The following GRM7 variants were observed in gnomAD, a reference collection of about 807,000 sequenced individuals.
GRM7 encodes glutamate metabotropic receptor 7.
A neutral mutation model predicts 84.5 loss-of-function variants in GRM7; 35 were observed. The ratio of observed to expected loss-of-function variants is 0.41; its 90% confidence interval spans 0.32 to 0.55. The LOEUF is 0.55. Among genes scored for constraint, GRM7 ranks in the 20% least tolerant of loss-of-function variants. GRM7 has a pLI of 0.19. For missense variants in GRM7, 1,003 were observed against 1,194.6 expected, an observed-to-expected ratio of 0.84 and a Z score of 2.36; for synonymous variants, 487 against 455.1, an observed-to-expected ratio of 1.07 and a Z score of -0.89.
intron 1 of GRM7, among the ~76,000 whole-genome samples, chr3:6,883,614 A>AATATT (rs1371179214): frequency 6.6e-6 from 1 of 152,194 alleles, no homozygotes; most frequent in Admixed American, 6.6e-5. Context: ...CACTCCATTG[A>AATATT]ATATTGCCTT....
intron 7 of GRM7, among the ~76,000 whole-genome samples, chr3:7,478,386 A>G (rs1699005723): frequency 6.6e-6 from 1 of 152,144 alleles, no homozygotes; most frequent in African/African-American, 2.4e-5. Context: ...TTAAAAATTT[A>G]TGTTGGCCCA....
chr3:7,719,420 TA>T lies in GRM7; in HGVS notation c.2699-20935del, dbSNP rs1443574228. The stretch of plus-strand genomic sequence containing the variant: ...TTTGGAAAGCTCCTCACTAAAGGCC[TA>T]AGGGATTGTATTGAAGATCAATTTC... On this transcript the variant is annotated intron_variant, in intron 9 of 9. Transcript: ENST00000357716. Among the ~76,000 whole-genome samples the T allele has an allele frequency of 7.9e-5, 12 of 152,286 alleles. No individual in the cohort carries two copies. The East Asian group carries it at 2.1e-3, about 27-fold the overall frequency.
intron 8 of GRM7, among the ~76,000 whole-genome samples, chr3:7,617,995 T>C (rs1697181504): frequency 6.6e-6 from 1 of 152,122 alleles, no homozygotes; most frequent in African/African-American, 2.4e-5. Context: ...TAAACCCTCT[T>C]GTGCCTTAGA....
intron 4 of GRM7, among the ~76,000 whole-genome samples, chr3:7,344,057 T>C (rs1285802317): frequency 2.0e-5 from 3 of 152,248 alleles, no homozygotes; most frequent in African/African-American, 7.2e-5. Context: ...TAAAAAGATA[T>C]ACATACCTTT....
At chr3:7,700,762 ATT>A (rs1407253357) in intron 9 of GRM7, among the ~76,000 whole-genome samples, 1 of 152,182 alleles carries the variant, frequency 6.6e-6, no homozygotes, top group Non-Finnish European at 1.5e-5. Context: ...TCTGCCACGC[ATT>A]GTTAGGGAAA....
chr3:7,446,487 GT>G (rs1316259988), intron 5 of GRM7, among the ~76,000 whole-genome samples: 6 of 138,308 alleles, frequency 4.3e-5, no homozygotes, highest in Non-Finnish European at 6.1e-5. Context: ...TTGAGACGGA[GT>G]CTCATTCTGT....
chr3:7,501,501 G>C (rs1169440821), intron 7 of GRM7, among the ~76,000 whole-genome samples: 1 of 152,170 alleles, frequency 6.6e-6, no homozygotes, highest in African/African-American at 2.4e-5. Flanking sequence ...ATCTGAGTTT[G>C]GCACTAGTTT....
At chr3:7,012,978 A>G (rs1695430324) in intron 1 of GRM7, among the ~76,000 whole-genome samples, 1 of 152,124 alleles carries the variant, frequency 6.6e-6, no homozygotes, top group Admixed American at 6.5e-5. Context: ...GGCTTTGAGC[A>G]ATCTTCTGGC....
intron 1 of GRM7, among the ~76,000 whole-genome samples, chr3:7,090,210 C>T (rs1020924773): frequency 6.6e-6 from 1 of 151,880 alleles, no homozygotes; most frequent in Non-Finnish European, 1.5e-5. Flanking sequence ...AAGGAATAAG[C>T]ATGTGGTAAG....
chr3:7,234,789 T>C (rs1265793436), intron 2 of GRM7, among the ~76,000 whole-genome samples: 1 of 152,212 alleles, frequency 6.6e-6, no homozygotes, highest in Non-Finnish European at 1.5e-5. Flanking sequence ...GGTCAAGATA[T>C]GGAAAAGATT....
At chr3:7,325,182 G>A (rs1700937551) in intron 4 of GRM7, among the ~76,000 whole-genome samples, 1 of 152,092 alleles carries the variant, frequency 6.6e-6, no homozygotes, top group South Asian at 2.1e-4. Flanking sequence ...GGGGATTCTG[G>A]GTATTGAAAG....
intron 4 of GRM7, among the ~76,000 whole-genome samples, chr3:7,365,645 G>GTATATATATATATATATA (rs201115893): frequency 3.1e-4 from 39 of 123,838 alleles, no homozygotes; most frequent in African/African-American, 1.2e-3. Context: ...GTGTGCGTGT[G>GTATATATATATATATATA]TGTATATATA....
chr3:7,367,132 G>A (rs4608679), intron 4 of GRM7, among the ~76,000 whole-genome samples: 151,947 of 151,948 alleles, frequency 1, 75,973 homozygotes, highest in Middle Eastern at 1. Context: ...CTTTACTTCA[G>A]AAATATTGAT....
chr3:7,009,698 G>A (rs62236595), intron 1 of GRM7, among the ~76,000 whole-genome samples: 16,695 of 152,162 alleles, frequency 0.11, 1,201 homozygotes, highest in East Asian at 0.27. Flanking sequence ...GATTCTGTGC[G>A]CACTGTCTGC....
intron 7 of GRM7, among the ~76,000 whole-genome samples, chr3:7,476,110 C>T (rs1349242770): frequency 6.6e-6 from 1 of 152,150 alleles, no homozygotes; most frequent in Non-Finnish European, 1.5e-5. Context: ...AGGCAGGCTG[C>T]CTGGGTTTAA....
At chr3:6,956,748 CTT>C in intron 1 of GRM7, 1 of 418,702 alleles carries the variant, frequency 2.4e-6, no homozygotes, top group South Asian at 1.7e-5. Context: ...TAGAATGTCT[CTT>C]ATATATCTTT....
At chr3:7,255,093 G>C (rs1206544605) in intron 2 of GRM7, among the ~76,000 whole-genome samples, 1 of 152,148 alleles carries the variant, frequency 6.6e-6, no homozygotes, top group Non-Finnish European at 1.5e-5. Context: ...TACTGGTTTT[G>C]TTCTTTATAC....
At chr3:6,914,608 G>C (rs1696880425) in intron 1 of GRM7, among the ~76,000 whole-genome samples, 1 of 151,938 alleles carries the variant, frequency 6.6e-6, no homozygotes, top group Admixed American at 6.6e-5. Flanking sequence ...TCACCATGTT[G>C]GTCAGGCTGG....
At chr3:7,364,526 A>G (rs532426962) in intron 4 of GRM7, among the ~76,000 whole-genome samples, 2 of 151,764 alleles carry the variant, frequency 1.3e-5, no homozygotes, top group African/African-American at 4.8e-5. Context: ...CTTTTTTTCT[A>G]TATTTTAATA....
Sources: allele counts gnomAD v4.1 joint callset (sites outside exome capture counted in the v4.1 genomes callset), GRCh38; gene constraint gnomAD v4.1.1; transcripts MANE v1.5; gene names NCBI Gene and HGNC (gene_info 2026-07-23, HGNC 2026-07-21).